Variants in NBAS observed in about 807,000 individuals in gnomAD.
NBAS encodes NAG/BC035112 fusion.
In NBAS, 219 loss-of-function variants were observed where a neutral mutation model predicts 302.5. The ratio of observed to expected loss-of-function variants is 0.72; its 90% CI spans 0.65 to 0.81. NBAS has a LOEUF of 0.81. Among genes scored for constraint, NBAS ranks in the 30% least tolerant of loss-of-function variants. The probability of loss-of-function intolerance (pLI) is 0.00; values close to 1 mark genes in which losing one functional copy is unlikely to be tolerated. For missense variants in NBAS, 2,932 were observed against 2,841.6 expected, an observed-to-expected ratio of 1.03 and a Z score of -0.72; for synonymous variants, 1,118 against 1,021.6, an observed-to-expected ratio of 1.09 and a Z score of -1.80.
At chr2:15,159,175 T>C in the NBAS span, among the ~76,000 whole-genome samples, 2,789 of 152,198 alleles carry the variant, frequency 0.018, 62 homozygotes, top group African/African-American at 0.05. Context: ...GGGCCTTCGG[T>C]TTGCACTCCC....
intron 5 of NBAS, 68 bp from the exon 6 acceptor site, chr2:15,551,604 T>G: frequency 8.5e-7 from 1 of 1,172,554 alleles, no homozygotes; most frequent in Non-Finnish European, 1.2e-6. Flanking sequence ...AAATACCAGA[T>G]ACTGTGGACT....
chr2:15,350,016 C>A (rs1673274544), intron 35 of NBAS, among the ~76,000 whole-genome samples: 1 of 152,034 alleles, frequency 6.6e-6, no homozygotes, highest in Non-Finnish European at 1.5e-5. Flanking sequence ...AGTAACATTA[C>A]AACCCTCTTT....
chr2:15,293,828 T>C (rs1056973030), intron 40 of NBAS, among the ~76,000 whole-genome samples: 12 of 152,312 alleles, frequency 7.9e-5, no homozygotes, highest in African/African-American at 2.6e-4. Context: ...AGGAACAATC[T>C]GGGAGTGCTG....
chr2:15,463,247 C>T (rs1308325643), intron 19 of NBAS, among the ~76,000 whole-genome samples: 1 of 152,178 alleles, frequency 6.6e-6, no homozygotes, highest in Non-Finnish European at 1.5e-5. Flanking sequence ...ACACTCCAGC[C>T]TGGGCAACAG....
chr2:15,210,256 A>T (rs902808751), intron 48 of NBAS, among the ~76,000 whole-genome samples: 1 of 152,206 alleles, frequency 6.6e-6, no homozygotes. Flanking sequence ...AGAATATATA[A>T]GGAGTTCAAA....
At chr2:15,378,156 C>T (rs986712875) in intron 30 of NBAS, among the ~76,000 whole-genome samples, 2 of 152,158 alleles carry the variant, frequency 1.3e-5, no homozygotes, top group African/African-American at 4.8e-5. Flanking sequence ...ACATGACAAA[C>T]TCAGGGCCTC....
the NBAS span, among the ~76,000 whole-genome samples, chr2:14,802,945 C>T: frequency 1.6e-4 from 23 of 144,638 alleles, no homozygotes; most frequent in African/African-American, 2.3e-4. Flanking sequence ...TGCTAGATGA[C>T]GAGTTAGTGG....
At chr2:15,164,000 T>C (rs1031638453), downstream of NBAS, among the ~76,000 whole-genome samples, 1 of 152,206 alleles carries the variant, frequency 6.6e-6, no homozygotes, top group African/African-American at 2.4e-5. Context: ...TTTCGCCATG[T>C]TGGCCAGGCT....
At chr2:15,542,242 A>T (rs1221408665) in intron 6 of NBAS, among the ~76,000 whole-genome samples, 1 of 87,828 alleles carries the variant, frequency 1.1e-5, no homozygotes, top group Non-Finnish European at 2.6e-5. Context: ...TCTGTGTAGA[A>T]AGAAGTAGAC....
chr2:15,219,563 A>G (rs1426827344), intron 47 of NBAS, among the ~76,000 whole-genome samples: 4 of 136,248 alleles, frequency 2.9e-5, no homozygotes, highest in African/African-American at 1.1e-4. Context: ...CTGTTTAACA[A>G]AGCACATCTT....
intron 23 of NBAS, among the ~76,000 whole-genome samples, chr2:15,418,452 A>C (rs950458116): frequency 3.3e-5 from 5 of 152,198 alleles, no homozygotes; most frequent in African/African-American, 1.2e-4. Context: ...ATGAGGACCT[A>C]CTAGAAGCTA....
the NBAS span, among the ~76,000 whole-genome samples, chr2:14,870,269 C>G: frequency 5.3e-5 from 8 of 152,204 alleles, no homozygotes; most frequent in Non-Finnish European, 1.0e-4. Context: ...ACAGTGTACT[C>G]AAAAGCAGAG....
chr2:15,492,820 T>C (rs1680917626), intron 11 of NBAS, among the ~76,000 whole-genome samples: 1 of 152,154 alleles, frequency 6.6e-6, no homozygotes, highest in South Asian at 2.1e-4. Flanking sequence ...CAGGGAATAA[T>C]TCATTATCCC....
chr2:15,180,695 A>C (rs1664778447), intron 50 of NBAS, among the ~76,000 whole-genome samples: 1 of 152,144 alleles, frequency 6.6e-6, no homozygotes, highest in Non-Finnish European at 1.5e-5. Context: ...TACCGCAGCC[A>C]CAAGGCACAA....
chr2:14,819,881 G>T, the NBAS span, among the ~76,000 whole-genome samples: 3 of 152,176 alleles, frequency 2.0e-5, no homozygotes, highest in African/African-American at 7.2e-5. Context: ...CTCAAAAGAA[G>T]AGTACAAATG....
the NBAS span, among the ~76,000 whole-genome samples, chr2:15,030,513 C>A: frequency 6.6e-6 from 1 of 152,152 alleles, no homozygotes; most frequent in Non-Finnish European, 1.5e-5. Context: ...ATGGTAGGCT[C>A]CATTCCCAAT....
chr2:15,353,644 G>C lies in NBAS; in HGVS notation c.3998C>G (p.Thr1333Ser), dbSNP rs1673475488. The stretch of plus-strand genomic sequence containing the variant: ...AGCAAAAGCCATGAGCTCTTGACGA[G>C]TGGCCAAGTCCTGGTAACCTTCTGA... ...GQSEGYQDLA[T>S]RQELMAFALT... Residue 1333 changes from threonine (T) to serine (S), a missense_variant, in exon 34 of 52, where the codon ACT (threonine) becomes AGT (serine). Transcript: ENST00000281513. The C allele has an allele frequency of 1.2e-6, 2 of 1,614,068 alleles. No individual in the cohort carries two copies. The highest frequency in any genetic ancestry group is 1.7e-6 in the Non-Finnish European group (2 of 1,179,956).
chr2:15,133,322 G>A, the NBAS span, among the ~76,000 whole-genome samples: 5 of 151,878 alleles, frequency 3.3e-5, no homozygotes, highest in Admixed American at 2.6e-4. Flanking sequence ...GGACATAGCG[G>A]GGGGGGGGCA....
the NBAS span, among the ~76,000 whole-genome samples, chr2:15,087,797 CT>C: frequency 6.6e-6 from 1 of 152,216 alleles, no homozygotes; most frequent in Non-Finnish European, 1.5e-5. Flanking sequence ...TTCCTTTTAG[CT>C]TTTCCTTCAT....
Sources: allele counts gnomAD v4.1 joint callset (sites outside exome capture counted in the v4.1 genomes callset), GRCh38; gene constraint gnomAD v4.1.1; transcripts MANE v1.5; gene names NCBI Gene and HGNC (gene_info 2026-07-23, HGNC 2026-07-21).